FAM47E: variants seen among roughly 807,000 people sequenced by gnomAD.
FAM47E encodes the protein protein FAM47E.
In FAM47E, 32 loss-of-function variants were observed where a neutral mutation model predicts 41.6. That is an observed-to-expected ratio of 0.77 (90% CI 0.58 to 1.03). The LOEUF (loss-of-function observed/expected upper bound fraction) is 1.03, where lower values mean the gene tolerates loss of function less well. Among genes scored for constraint, FAM47E ranks in the 50% least tolerant of loss-of-function variants. FAM47E has a pLI of 0.00. For synonymous variants in FAM47E, 184 were observed against 188.7 expected, an observed-to-expected ratio of 0.98 and a Z score of 0.20; for missense variants, 424 against 485.4, an observed-to-expected ratio of 0.87 and a Z score of 1.19.
intron 3 of FAM47E, chr4:76,267,900 G>C (rs1342970942): frequency 6.6e-6 from 1 of 152,220 alleles, no homozygotes; most frequent in African/African-American, 2.4e-5. Context: ...GGGAAATGGT[G>C]AGTGATTATT....
intron 2 of FAM47E, chr4:76,217,792 A>G (rs1393885067): frequency 2.5e-6 from 1 of 407,314 alleles, no homozygotes; most frequent in Non-Finnish European, 4.4e-6. Flanking sequence ...AGAAGACTTT[A>G]TCTGAGAAGA....
intron 5 of FAM47E, among the ~76,000 whole-genome samples, chr4:76,276,901 C>T (rs6854006): frequency 0.37 from 56,720 of 152,000 alleles, 11,026 homozygotes; most frequent in Middle Eastern, 0.47. Flanking sequence ...TCTGTCCCAT[C>T]CTCTCTTTCT....
intron 5 of FAM47E, 21 bp downstream of exon 5, chr4:76,271,789 G>T: frequency 1.3e-6 from 2 of 1,541,568 alleles, no homozygotes; most frequent in South Asian, 1.2e-5. Flanking sequence ...AAGGGGACCA[G>T]ACCGAAAATC....
chr4:76,220,068 G>C (rs1243880754), intron 2 of FAM47E, among the ~76,000 whole-genome samples: 2 of 152,116 alleles, frequency 1.3e-5, no homozygotes, highest in Admixed American at 1.3e-4. Context: ...CCTCCATTTT[G>C]AATCAAACCA....
intron 2 of FAM47E, among the ~76,000 whole-genome samples, chr4:76,235,419 G>T (rs1578757093): frequency 6.6e-6 from 1 of 152,254 alleles, no homozygotes; most frequent in East Asian, 1.9e-4. Flanking sequence ...TTAAGGTGGG[G>T]ATTAGAAGGA....
intron 2 of FAM47E, among the ~76,000 whole-genome samples, chr4:76,237,151 T>A (rs1343339264): frequency 6.6e-6 from 1 of 152,030 alleles, no homozygotes; most frequent in Non-Finnish European, 1.5e-5. Flanking sequence ...CGCCCCGGCC[T>A]CCCAAAGTGC....
upstream of FAM47E, among the ~76,000 whole-genome samples, chr4:76,247,599 G>A: frequency 7.8e-6 from 1 of 128,136 alleles, no homozygotes; most frequent in East Asian, 5.4e-4. Context: ...ACCAACACTT[G>A]TTATTTTCTA....
At chr4:76,259,178 A>G (rs1734304657) in intron 2 of FAM47E, among the ~76,000 whole-genome samples, 1 of 152,240 alleles carries the variant, frequency 6.6e-6, no homozygotes, top group African/African-American at 2.4e-5. Context: ...GCCTCTTCAC[A>G]TATAACACCG....
chr4:76,260,417 A>G (rs996002372), intron 2 of FAM47E, among the ~76,000 whole-genome samples: 2 of 152,216 alleles, frequency 1.3e-5, no homozygotes, highest in Non-Finnish European at 1.5e-5. Context: ...CCACACACCT[A>G]CAACCAGCTG....
At chr4:76,238,586 T>C (rs1733636375) in intron 2 of FAM47E, among the ~76,000 whole-genome samples, 1 of 152,122 alleles carries the variant, frequency 6.6e-6, no homozygotes. Context: ...AGGAGCGGAC[T>C]TAAAGGGGGC....
intron 2 of FAM47E, among the ~76,000 whole-genome samples, chr4:76,258,365 G>A (rs6849069): frequency 1.3e-5 from 2 of 151,894 alleles, no homozygotes; most frequent in Non-Finnish European, 2.9e-5. Flanking sequence ...TTGTTTGGTC[G>A]GCCTTAGGAG....
At chr4:76,224,917 C>G (rs982229032) in intron 2 of FAM47E, among the ~76,000 whole-genome samples, 1 of 152,014 alleles carries the variant, frequency 6.6e-6, no homozygotes, top group Admixed American at 6.6e-5. Context: ...ACCCTTCCCC[C>G]CAAGTCCCCA....
intron 5 of FAM47E, among the ~76,000 whole-genome samples, chr4:76,276,257 G>C (rs1026372866): frequency 2.6e-5 from 4 of 151,892 alleles, no homozygotes; most frequent in Non-Finnish European, 4.4e-5. Flanking sequence ...AAGAGAGACA[G>C]ACAAACGATC....
At chr4:76,260,572 A>G (rs537182146) in intron 2 of FAM47E, among the ~76,000 whole-genome samples, 1 of 152,220 alleles carries the variant, frequency 6.6e-6, no homozygotes. Flanking sequence ...CTCAAGGTGG[A>G]CTAAAGACTT....
At position 76,236,892 on chromosome 4, in the gene FAM47E, T is replaced by G. The variant is rs193145160; in HGVS notation, c.81+19204T>G. Among the ~76,000 whole-genome samples, 340 of 150,950 alleles carry G rather than the reference T, an allele frequency of 2.3e-3. 12 individuals are homozygous for G. The highest frequency in any genetic ancestry group is 0.022 in the Admixed American group (327 of 15,156). On this transcript the variant is annotated intron_variant, in intron 2 of 7. Coordinates refer to the FAM47E transcript ENST00000510197. ...AATAGGTTGTAAAATATGTTTCTTTTCTTTCTTTTTTTTTTTTTTTTGAGA... is the reference window on the plus strand; with the variant it reads ...AATAGGTTGTAAAATATGTTTCTTTGCTTTCTTTTTTTTTTTTTTTTGAGA...
chr4:76,227,227 C>T (rs1436458146), intron 2 of FAM47E, among the ~76,000 whole-genome samples: 2 of 152,086 alleles, frequency 1.3e-5, no homozygotes, highest in African/African-American at 4.8e-5. Flanking sequence ...AGTTGTGTCA[C>T]TATTATCGTT....
intron 5 of FAM47E, among the ~76,000 whole-genome samples, chr4:76,272,744 G>A (rs1734943373): frequency 6.6e-6 from 1 of 152,056 alleles, no homozygotes; most frequent in Non-Finnish European, 1.5e-5. Context: ...TCCTGATTCT[G>A]GGCTGAATAA....
At chr4:76,254,006 C>A (rs1734082475) in intron 1 of FAM47E, among the ~76,000 whole-genome samples, 1 of 151,718 alleles carries the variant, frequency 6.6e-6, no homozygotes, top group South Asian at 2.1e-4. Flanking sequence ...CCTGTAGTCC[C>A]AACTACTTGG....
chr4:76,251,857 C>G (rs1733977217), intron 1 of FAM47E, 37 bp downstream of exon 1: 1 of 1,370,514 alleles, frequency 7.3e-7, no homozygotes, highest in African/African-American at 1.5e-5. Flanking sequence ...GCGCATCCCA[C>G]GCGGGCCGCG....
Sources: gnomAD v4.1 joint callset for allele counts (sites outside exome capture counted in the v4.1 genomes callset) on GRCh38, gnomAD v4.1.1 for gene constraint, MANE v1.5 for transcripts, NCBI Gene and HGNC (gene_info 2026-07-23, HGNC 2026-07-21) for gene names.